The following ADAMTS17 variants were observed in gnomAD, a reference collection of about 807,000 sequenced individuals.
ADAMTS17 encodes ADAM metallopeptidase with thrombospondin type 1 motif 17, also known as A disintegrin and metalloproteinase with thrombospondin motifs 17.
In ADAMTS17, 113 loss-of-function variants were observed where a neutral mutation model predicts 141.5. The observed-to-expected ratio is 0.80, with a 90% CI of 0.69 to 0.93. The LOEUF (loss-of-function observed/expected upper bound fraction) is 0.93. Among genes scored for constraint, ADAMTS17 ranks in the 40% least tolerant of loss-of-function variants. ADAMTS17 has a pLI of 0.00. For synonymous variants in ADAMTS17, 768 were observed against 630.6 expected (o/e 1.22, Z -3.27); for missense variants, 1,659 against 1,517.9 (o/e 1.09, Z -1.54).
At chr15:100,230,187 T>C (rs921094752) in intron 7 of ADAMTS17, among the ~76,000 whole-genome samples, 2 of 152,220 alleles carry the variant, frequency 1.3e-5, no homozygotes, top group Non-Finnish European at 2.9e-5. Context: ...AGTTTGGGCT[T>C]GCAGAAGAGC....
chr15:100,105,168 C>T (rs1189330498), intron 14 of ADAMTS17, among the ~76,000 whole-genome samples: 1 of 152,200 alleles, frequency 6.6e-6, no homozygotes, highest in East Asian at 1.9e-4. Flanking sequence ...TTTGTAAAGA[C>T]TGGTGGTCTG....
chr15:100,131,863 C>A, intron 12 of ADAMTS17, 144 bp downstream of exon 12: 3 of 1,240,424 alleles, frequency 2.4e-6, no homozygotes, highest in Non-Finnish European at 3.4e-6. Context: ...GAGGTCCCTG[C>A]ACCCTGGACC....
rs552754390 is a variant in ADAMTS17 at position 100,281,390 on chromosome 15, GCTT to G, written c.625_627del (p.Lys209del). On this transcript the variant is annotated inframe_deletion, in exon 4 of 22. Transcript: ENST00000268070. ...TCCCGCGAAGGCCTGCCCCACGTCG[GCTT>G]CTTCTTTTCTAGAAAATGATGGAAA... 431 of 1,612,488 alleles carry G rather than the reference GCTT, an allele frequency of 2.7e-4. 1 individual carries two copies. The African/African-American group carries it at 4.9e-3, about 18-fold the overall frequency.
chr15:100,068,978 G>A (rs1177099993), intron 15 of ADAMTS17, among the ~76,000 whole-genome samples: 1 of 152,128 alleles, frequency 6.6e-6, no homozygotes, highest in Non-Finnish European at 1.5e-5. Context: ...CTATGGCATA[G>A]AAGTTAAAAA....
chr15:100,238,648 C>T (rs538836369), intron 7 of ADAMTS17, among the ~76,000 whole-genome samples: 36 of 152,298 alleles, frequency 2.4e-4, no homozygotes, highest in African/African-American at 8.2e-4. Flanking sequence ...AGAGTTAAGC[C>T]CTCAGGCTTT....
chr15:100,273,072 T>C (rs1483639222), intron 4 of ADAMTS17, among the ~76,000 whole-genome samples: 2 of 152,194 alleles, frequency 1.3e-5, no homozygotes, highest in Non-Finnish European at 2.9e-5. Context: ...ATCATTTTAA[T>C]ATGCTATTGA....
chr15:100,193,778 G>A (rs887670919), intron 8 of ADAMTS17, among the ~76,000 whole-genome samples: 3 of 152,212 alleles, frequency 2.0e-5, no homozygotes, highest in Admixed American at 6.5e-5. Context: ...CCCACTACAG[G>A]AGAGGTCAAC....
At chr15:100,049,127 CAT>C in intron 17 of ADAMTS17, 135 bp from the exon 18 acceptor site, 1 of 1,355,822 alleles carries the variant, frequency 7.4e-7, no homozygotes, top group Non-Finnish European at 1.0e-6. Flanking sequence ...CTGTAAATGT[CAT>C]GTGGGTTTTT....
At chr15:100,287,935 T>C (rs2044499257) in intron 3 of ADAMTS17, among the ~76,000 whole-genome samples, 1 of 152,186 alleles carries the variant, frequency 6.6e-6, no homozygotes, top group South Asian at 2.1e-4. Context: ...ATTGACACTA[T>C]AAAGCAACTA....
intron 14 of ADAMTS17, among the ~76,000 whole-genome samples, chr15:100,100,506 T>C (rs1029171305): frequency 6.6e-6 from 1 of 152,190 alleles, no homozygotes; most frequent in African/African-American, 2.4e-5. Context: ...TTAATTCTAG[T>C]TGGACACCCC....
intron 3 of ADAMTS17, among the ~76,000 whole-genome samples, chr15:100,317,028 G>A (rs934725847): frequency 1.2e-4 from 18 of 152,194 alleles, no homozygotes; most frequent in Non-Finnish European, 4.4e-5. Flanking sequence ...AGTTTTTAGA[G>A]TGATATGGTT....
intron 4 of ADAMTS17, among the ~76,000 whole-genome samples, chr15:100,276,578 G>A (rs938649009): frequency 1.2e-4 from 19 of 152,066 alleles, no homozygotes; most frequent in African/African-American, 4.3e-4. Context: ...CCACAACTCG[G>A]AGAGAAATGT....
chr15:99,983,755 G>T (rs1052636496), intron 20 of ADAMTS17, among the ~76,000 whole-genome samples: 2 of 152,152 alleles, frequency 1.3e-5, no homozygotes, highest in Non-Finnish European at 2.9e-5. Context: ...AAAGCACAAT[G>T]AATCCACCCC....
intron 3 of ADAMTS17, among the ~76,000 whole-genome samples, chr15:100,323,076 C>T (rs1296102630): frequency 2.9e-5 from 3 of 102,060 alleles, no homozygotes; most frequent in Non-Finnish European, 5.7e-5. Flanking sequence ...GACAGCGAGA[C>T]TCCGTCTCAA....
intron 19 of ADAMTS17, among the ~76,000 whole-genome samples, chr15:99,994,373 T>C (rs1488018349): frequency 6.6e-6 from 1 of 151,854 alleles, no homozygotes; most frequent in Non-Finnish European, 1.5e-5. Flanking sequence ...ATCCCAGCAC[T>C]TTGGGAGGCT....
At chr15:100,082,616 A>G (rs1390978135) in intron 15 of ADAMTS17, among the ~76,000 whole-genome samples, 1 of 151,702 alleles carries the variant, frequency 6.6e-6, no homozygotes, top group Non-Finnish European at 1.5e-5. Flanking sequence ...TGATAGTCAT[A>G]TTTTTAATTT....
At chr15:100,004,133 G>A (rs1174459030) in intron 18 of ADAMTS17, among the ~76,000 whole-genome samples, 1 of 152,272 alleles carries the variant, frequency 6.6e-6, no homozygotes, top group East Asian at 1.9e-4. Context: ...GGCAGCCGAA[G>A]GGGAGAGCAG....
chr15:99,988,981 A>C (rs965612117), intron 20 of ADAMTS17, among the ~76,000 whole-genome samples: 1 of 152,232 alleles, frequency 6.6e-6, no homozygotes, highest in Admixed American at 6.5e-5. Flanking sequence ...AAAAGTGTCC[A>C]GCGAGTCCTC....
intron 15 of ADAMTS17, among the ~76,000 whole-genome samples, chr15:100,076,727 A>G (rs73474493): frequency 0.039 from 5,960 of 152,256 alleles, 420 homozygotes; most frequent in African/African-American, 0.14. Context: ...ATATATTTTG[A>G]ATTTATACAA....
Sources: allele counts gnomAD v4.1 joint callset (sites outside exome capture counted in the v4.1 genomes callset), GRCh38; gene constraint gnomAD v4.1.1; transcripts MANE v1.5; gene names NCBI Gene and HGNC (gene_info 2026-07-23, HGNC 2026-07-21).